The following GRID2 variants were observed in gnomAD, a reference collection of about 807,000 sequenced individuals.
GRID2 encodes glutamate receptor ionotropic, delta-2.
Under a neutral mutation model 114.8 loss-of-function variants are expected in GRID2, and 33 were observed. The observed-to-expected ratio is 0.29, with a 90% CI of 0.22 to 0.38. The LOEUF (loss-of-function observed/expected upper bound fraction) is 0.38. Ranked by LOEUF, GRID2 falls within the 10% of genes least tolerant of loss-of-function variation. The pLI is 1.00. For missense variants in GRID2, 1,184 were observed against 1,257.7 expected, an observed-to-expected ratio of 0.94 and a Z score of 0.89; for synonymous variants, 505 against 449.9, an observed-to-expected ratio of 1.12 and a Z score of -1.55.
intron 2 of GRID2, among the ~76,000 whole-genome samples, chr4:93,026,467 G>A (rs973011469): frequency 2.0e-5 from 3 of 151,664 alleles, no homozygotes; most frequent in Admixed American, 6.6e-5. Context: ...TTATTACTAT[G>A]ATTTTTAAAA....
chr4:92,441,113 G>A (rs895796261), intron 1 of GRID2, among the ~76,000 whole-genome samples: 4 of 152,274 alleles, frequency 2.6e-5, no homozygotes, highest in African/African-American at 9.6e-5. Flanking sequence ...AAAGGCTACA[G>A]GGTGCGGTCC....
intron 1 of GRID2, among the ~76,000 whole-genome samples, chr4:92,442,194 AG>A (rs1270997520): frequency 1.4e-5 from 2 of 147,214 alleles, no homozygotes; most frequent in Non-Finnish European, 3.1e-5. Context: ...GTGATGGTCT[AG>A]GGGGCTTCCG....
At chr4:93,758,295 A>C (rs187975721) in intron 14 of GRID2, among the ~76,000 whole-genome samples, 7 of 152,344 alleles carry the variant, frequency 4.6e-5, no homozygotes, top group Admixed American at 4.6e-4. Context: ...ACTATTGTTG[A>C]TGATCTAACT....
At chr4:93,058,139 G>A (rs554187305) in intron 2 of GRID2, among the ~76,000 whole-genome samples, 6 of 58,144 alleles carry the variant, frequency 1.0e-4, no homozygotes, top group Admixed American at 2.5e-4. Context: ...ACCCTGTGTG[G>A]ATTATTAAAA....
chr4:93,073,787 C>A (rs1511294), intron 2 of GRID2, among the ~76,000 whole-genome samples: 63,395 of 151,916 alleles, frequency 0.42, 13,584 homozygotes, highest in Admixed American at 0.58. Context: ...AAGGTTGGCA[C>A]ATTCTGGGAG....
intron 1 of GRID2, among the ~76,000 whole-genome samples, chr4:92,418,002 C>T (rs1255251994): frequency 2.0e-5 from 3 of 152,078 alleles, no homozygotes; most frequent in East Asian, 3.9e-4. Context: ...AACTATGAGT[C>T]CATTAAACCT....
At chr4:92,306,489 A>G (rs1725415879) in intron 1 of GRID2, among the ~76,000 whole-genome samples, 1 of 152,198 alleles carries the variant, frequency 6.6e-6, no homozygotes, top group Admixed American at 6.5e-5. Flanking sequence ...AAATGATTGG[A>G]GCAGGAATGC....
At chr4:93,235,044 A>AT (rs969503035) in intron 7 of GRID2, among the ~76,000 whole-genome samples, 91 of 150,512 alleles carry the variant, frequency 6.0e-4, no homozygotes, top group Admixed American at 1.1e-3. Flanking sequence ...AGTCTCAGTA[A>AT]TTTTTTTTTT....
At chr4:93,184,392 C>T (rs1031404717) in intron 4 of GRID2, among the ~76,000 whole-genome samples, 2 of 151,710 alleles carry the variant, frequency 1.3e-5, no homozygotes, top group African/African-American at 2.4e-5. Flanking sequence ...TTTTGAAGTG[C>T]CTGCTTCTTT....
At chr4:92,646,375 TATTAC>T (rs1419794236) in intron 2 of GRID2, among the ~76,000 whole-genome samples, 6 of 152,242 alleles carry the variant, frequency 3.9e-5, no homozygotes, top group Non-Finnish European at 5.9e-5. Context: ...TTGTCAAATA[TATTAC>T]ATTATTAACC....
intron 2 of GRID2, chr4:92,823,078 T>C (rs113535774): frequency 2.0e-5 from 3 of 152,194 alleles, no homozygotes; most frequent in African/African-American, 7.2e-5. Flanking sequence ...AGGCATAGGA[T>C]GGAATAGTTT....
At chr4:92,311,463 TC>T (rs1471413476) in intron 1 of GRID2, among the ~76,000 whole-genome samples, 2 of 152,102 alleles carry the variant, frequency 1.3e-5, no homozygotes, top group Non-Finnish European at 2.9e-5. Context: ...CTACTTATGG[TC>T]TTAAATATTC....
chr4:92,619,882 G>A (rs1360040113), intron 2 of GRID2, among the ~76,000 whole-genome samples: 5 of 151,352 alleles, frequency 3.3e-5, no homozygotes, highest in South Asian at 2.1e-4. Flanking sequence ...GGCCATTTGC[G>A]AAGTTACACA....
chr4:93,479,106 T>C (rs1300004622), intron 11 of GRID2, among the ~76,000 whole-genome samples: 1 of 152,052 alleles, frequency 6.6e-6, no homozygotes, highest in East Asian at 1.9e-4. Context: ...TTTTTTTAAT[T>C]TTCCAGTGCA....
intron 2 of GRID2, among the ~76,000 whole-genome samples, chr4:92,921,469 T>C (rs1749331118): frequency 6.6e-6 from 1 of 152,164 alleles, no homozygotes; most frequent in African/African-American, 2.4e-5. Context: ...TTTCCTCATC[T>C]TTGTGGTTTT....
intron 4 of GRID2, among the ~76,000 whole-genome samples, chr4:93,202,631 T>A (rs566629803): frequency 1.3e-5 from 2 of 152,298 alleles, no homozygotes; most frequent in African/African-American, 4.8e-5. Flanking sequence ...TAGAGCATTA[T>A]ATAGCTGCAA....
intron 13 of GRID2, among the ~76,000 whole-genome samples, chr4:93,580,363 T>C (rs1736853487): frequency 6.6e-6 from 1 of 152,216 alleles, no homozygotes; most frequent in African/African-American, 2.4e-5. Flanking sequence ...TGGGGAGAGA[T>C]ACTGATGTGT....
At chr4:93,065,873 C>T (rs182357390) in intron 2 of GRID2, among the ~76,000 whole-genome samples, 125 of 151,966 alleles carry the variant, frequency 8.2e-4, no homozygotes, top group African/African-American at 2.5e-3. Context: ...TTCTGGATTC[C>T]GTTGACTTGA....
At chr4:93,381,862 ACTT>A (rs1763886198) in intron 8 of GRID2, among the ~76,000 whole-genome samples, 1 of 152,090 alleles carries the variant, frequency 6.6e-6, no homozygotes, top group African/African-American at 2.4e-5. Context: ...TTCATATATG[ACTT>A]CAAATTATTG....
Sources: gnomAD v4.1 joint callset for allele counts (sites outside exome capture counted in the v4.1 genomes callset) on GRCh38, gnomAD v4.1.1 for gene constraint, MANE v1.5 for transcripts, NCBI Gene and HGNC (gene_info 2026-07-23, HGNC 2026-07-21) for gene names.